ELOVL6: variants seen among roughly 807,000 people sequenced by gnomAD.
ELOVL6 encodes ELOVL fatty acid elongase 6.
A neutral mutation model predicts 31.7 loss-of-function variants in ELOVL6; 8 were observed. The ratio of observed to expected loss-of-function variants is 0.25; its 90% CI spans 0.15 to 0.45. The LOEUF (loss-of-function observed/expected upper bound fraction) is 0.45, where lower values mean the gene tolerates loss of function less well. ELOVL6 is among the 20% of genes least tolerant of loss of function. ELOVL6 has a pLI of 1.00. For synonymous variants in ELOVL6, 101 were observed against 117.7 expected (o/e 0.86, Z 0.92); for missense variants, 126 against 326.4 (o/e 0.39, Z 4.73).
At chr4:110,117,552 A>T (rs1757201595) in intron 1 of ELOVL6, among the ~76,000 whole-genome samples, 2 of 152,016 alleles carry the variant, frequency 1.3e-5, no homozygotes, top group African/African-American at 4.8e-5. Context: ...ACGATGGGCC[A>T]TGTCCAGCTG....
intron 1 of ELOVL6, among the ~76,000 whole-genome samples, chr4:110,188,734 CA>C (rs549522411): frequency 0.029 from 4,438 of 151,042 alleles, 89 homozygotes; most frequent in Middle Eastern, 0.058. Context: ...ACTAAATATA[CA>C]AAAAAAATTA....
At chr4:110,148,308 G>A (rs1758184298) in intron 1 of ELOVL6, among the ~76,000 whole-genome samples, 1 of 151,968 alleles carries the variant, frequency 6.6e-6, no homozygotes, top group Non-Finnish European at 1.5e-5. Context: ...TATTATTAAA[G>A]GACAAAAAAT....
At chr4:110,075,090 T>C (rs1465337263) in intron 2 of ELOVL6, among the ~76,000 whole-genome samples, 1 of 152,118 alleles carries the variant, frequency 6.6e-6, no homozygotes, top group East Asian at 1.9e-4. Context: ...GTCACAGTCA[T>C]TAGGATGGCT....
chr4:110,069,131 A>AATAATAAT (rs1755390873), intron 2 of ELOVL6, among the ~76,000 whole-genome samples: 4 of 133,698 alleles, frequency 3.0e-5, no homozygotes, highest in African/African-American at 1.2e-4. Context: ...CTCTGTCTCC[A>AATAATAAT]AATAATAATA....
At chr4:110,096,082 AT>A (rs1304522661) in intron 2 of ELOVL6, among the ~76,000 whole-genome samples, 30 of 152,182 alleles carry the variant, frequency 2.0e-4, no homozygotes, top group Admixed American at 2.0e-3. Flanking sequence ...TTAGCAGTTA[AT>A]TGTCAAATAA....
intron 1 of ELOVL6, among the ~76,000 whole-genome samples, chr4:110,135,220 T>A (rs934792191): frequency 6.6e-6 from 1 of 152,188 alleles, no homozygotes; most frequent in Non-Finnish European, 1.5e-5. Flanking sequence ...CAGAGTCCAG[T>A]GTTTCTTGAG....
intron 1 of ELOVL6, among the ~76,000 whole-genome samples, chr4:110,158,766 T>C (rs1758547679): frequency 6.7e-6 from 1 of 150,218 alleles, no homozygotes; most frequent in Non-Finnish European, 1.5e-5. Context: ...GTTCAAGGGA[T>C]TCTCCTGCCT....
rs929183341 is a variant in ELOVL6, at chr4:110,050,872, GTCTTT to G, written c.*461_*465del. 6.2e-5 allele frequency: 10 copies of G among 162,214 alleles called. No individual in the cohort carries two copies. The highest frequency in any genetic ancestry group is 2.4e-4 in the African/African-American group (10 of 41,568). 10.0% of individuals were successfully genotyped at this position (162,214 alleles called of 1,614,324 possible). A position where few individuals can be genotyped will look rare whatever the true frequency, so the allele number is the denominator to read the frequency against. On this transcript the variant is annotated 3_prime_UTR_variant, in exon 4 of 4. Coordinates refer to ENST00000302274, the MANE Select transcript of ELOVL6 (RefSeq NM_024090.3). ...TACACCCTGTGTCTCTTTCATTTTT[GTCTTT>G]TCTATTGGCTCCAGTTTAGTGTCCA...
intron 2 of ELOVL6, among the ~76,000 whole-genome samples, chr4:110,095,525 G>A (rs1756556407): frequency 6.6e-6 from 1 of 151,626 alleles, no homozygotes; most frequent in Non-Finnish European, 1.5e-5. Flanking sequence ...TGGGCAAGGT[G>A]TGTCTGTTTT....
In ELOVL6 at chr4:110,084,324, T is replaced by TTGATATATATCACATATATGATATA. The variant is rs1376354676; in HGVS notation, c.221+21148_221+21172dup. 2.7e-4 allele frequency among the ~76,000 whole-genome samples: 20 copies of TTGATATATATCACATATATGATATA among 75,032 alleles called. 3 individuals carry two copies. Among genetic ancestry groups the TTGATATATATCACATATATGATATA allele is most frequent in the African/African-American group, 1.5e-3 (20 of 13,684 alleles). The allele number at this position is 75,032 out of a possible 152,430, so 49.2% of individuals were successfully genotyped here. On this transcript the variant is annotated intron_variant, in intron 2 of 3. Coordinates refer to ENST00000302274, the MANE Select transcript of ELOVL6 (RefSeq NM_024090.3). ...TATATAACATATAACATATATAAAT[T>TTGATATATATCACATATATGATATA]TGATATATATCACATATATGATATA...
chr4:110,083,809 A>G (rs1393884613), intron 2 of ELOVL6, among the ~76,000 whole-genome samples: 1 of 150,146 alleles, frequency 6.7e-6, no homozygotes, highest in Non-Finnish European at 1.5e-5. Context: ...GCATAAGAGA[A>G]GCAGACAAAC....
At chr4:110,071,964 G>A (rs983366310) in intron 2 of ELOVL6, among the ~76,000 whole-genome samples, 4 of 152,178 alleles carry the variant, frequency 2.6e-5, no homozygotes, top group South Asian at 4.1e-4. Flanking sequence ...TGAGAAGGGC[G>A]GAGCCAGCCT....
intron 2 of ELOVL6, among the ~76,000 whole-genome samples, chr4:110,064,091 A>AAG: frequency 6.7e-6 from 1 of 150,172 alleles, no homozygotes; most frequent in South Asian, 2.1e-4. Context: ...AAAAAAAAAA[A>AAG]AAAGAAAGAA....
At chr4:110,158,657 A>ATATATATATATATATATTT in intron 1 of ELOVL6, among the ~76,000 whole-genome samples, 6 of 74,154 alleles carry the variant, frequency 8.1e-5, no homozygotes, top group East Asian at 3.1e-4. Context: ...ATATATATAT[A>ATATATATATATATATATTT]TTTTTTTTTT....
At chr4:110,128,473 G>A (rs1757575991) in intron 1 of ELOVL6, among the ~76,000 whole-genome samples, 1 of 152,210 alleles carries the variant, frequency 6.6e-6, no homozygotes, top group Admixed American at 6.5e-5. Context: ...TGGAGCTTGA[G>A]TAAGTCTGGT....
intron 1 of ELOVL6, among the ~76,000 whole-genome samples, chr4:110,190,574 G>A (rs547743548): frequency 4.6e-4 from 70 of 152,054 alleles, no homozygotes; most frequent in African/African-American, 1.7e-3. Context: ...GTGCAATCTC[G>A]CCTCACTGGA....
intron 1 of ELOVL6, among the ~76,000 whole-genome samples, chr4:110,177,499 C>T (rs1759144295): frequency 6.6e-6 from 1 of 151,796 alleles, no homozygotes; most frequent in South Asian, 2.1e-4. Context: ...CTTTTATAAA[C>T]TTACTGAGTG....
intron 2 of ELOVL6, among the ~76,000 whole-genome samples, chr4:110,084,378 T>C (rs796987886): frequency 8.6e-5 from 4 of 46,674 alleles, no homozygotes; most frequent in South Asian, 8.3e-4. Flanking sequence ...TGATATATGA[T>C]ATATATCGCA....
chr4:110,052,826 G>A (rs757178224), intron 3 of ELOVL6, among the ~76,000 whole-genome samples: 49 of 152,222 alleles, frequency 3.2e-4, no homozygotes, highest in Admixed American at 2.9e-3. Flanking sequence ...AGGTGAATGC[G>A]TCTTTCTCCT....
Sources: gnomAD v4.1 joint callset for allele counts (sites outside exome capture counted in the v4.1 genomes callset) on GRCh38, gnomAD v4.1.1 for gene constraint, MANE v1.5 for transcripts, NCBI Gene and HGNC (gene_info 2026-07-23, HGNC 2026-07-21) for gene names.